The following FBXO47 variants were observed in gnomAD, a reference collection of about 807,000 sequenced individuals.
FBXO47 encodes the protein F-box only protein 47.
In FBXO47, 34 loss-of-function variants were observed where a neutral mutation model predicts 53.9. That is an observed-to-expected ratio of 0.63 (90% CI 0.48 to 0.84). The LOEUF (loss-of-function observed/expected upper bound fraction) is 0.84. FBXO47 is among the 40% of genes least tolerant of loss of function. The probability of loss-of-function intolerance (pLI) is 0.00; values close to 1 mark genes in which losing one functional copy is unlikely to be tolerated. For missense variants in FBXO47, 485 were observed against 541.3 expected, an observed-to-expected ratio of 0.90 and a Z score of 1.03; for synonymous variants, 165 against 181.6, an observed-to-expected ratio of 0.91 and a Z score of 0.73.
chr17:38,943,791 C>T, intron 7 of FBXO47, 55 bp from the exon 8 acceptor site: 1 of 1,508,274 alleles, frequency 6.6e-7, no homozygotes, highest in East Asian at 2.4e-5. Flanking sequence ...GTGATAAAGA[C>T]TTGTTTAAAA....
At chr17:38,962,127 T>A (rs985609679) in intron 2 of FBXO47, 80 bp from the exon 3 acceptor site, 2 of 1,126,420 alleles carry the variant, frequency 1.8e-6, no homozygotes, top group African/African-American at 3.1e-5. Flanking sequence ...TATTAACTTA[T>A]AGGTTAACTC....
chr17:38,962,913 A>G lies in FBXO47; in HGVS notation c.113T>C (p.Ile38Thr). Residue 38 changes from isoleucine to threonine, a missense_variant, in exon 2 of 11, where the codon ATA becomes ACA. By Grantham distance (89) the Ile-to-Thr change is moderately conservative. Coordinates refer to ENST00000378079, the MANE Select transcript of FBXO47 (RefSeq NM_001008777.3). The stretch of plus-strand genomic sequence containing the variant: ...GGCTTTAAAATTTCCAAATGTTGAT[A>G]TGGGTTGAAAGCCTGAGCCAAGGGT... ...SKTLGSGFQP[I>T]STFGNFKALP... is the part of the protein sequence containing the mutation. 6.2e-7 allele frequency: 1 copy of G among 1,613,372 alleles called. No homozygotes were observed. The highest frequency in any genetic ancestry group is 8.5e-7 in the Non-Finnish European group (1 of 1,179,452).
intron 3 of FBXO47, among the ~76,000 whole-genome samples, chr17:38,961,645 G>A (rs923112860): frequency 6.6e-5 from 10 of 152,132 alleles, no homozygotes; most frequent in Non-Finnish European, 1.2e-4. Flanking sequence ...CATCGGTGAC[G>A]TTATATCTAT....
intron 6 of FBXO47, among the ~76,000 whole-genome samples, chr17:38,946,004 AATAC>A (rs1373773481): frequency 5.1e-5 from 7 of 136,366 alleles, no homozygotes; most frequent in Non-Finnish European, 9.2e-5. Flanking sequence ...AATATATATA[AATAC>A]ATAAATATAA....
At chr17:38,962,615 A>G (rs1050722134) in intron 2 of FBXO47, among the ~76,000 whole-genome samples, 3 of 147,868 alleles carry the variant, frequency 2.0e-5, no homozygotes, top group African/African-American at 7.4e-5. Flanking sequence ...TCAAAATAAT[A>G]ATAATAATAA....
chr17:38,958,485 A>C (rs75550011), intron 3 of FBXO47, among the ~76,000 whole-genome samples: 1 of 151,236 alleles, frequency 6.6e-6, no homozygotes, highest in African/African-American at 2.4e-5. Flanking sequence ...AAAAAAAAAA[A>C]CTCCTCAATT....
At chr17:38,946,369 GAT>G (rs1309339267) in intron 6 of FBXO47, among the ~76,000 whole-genome samples, 422 of 40,300 alleles carry the variant, frequency 0.01, 13 homozygotes, top group Non-Finnish European at 0.013. Flanking sequence ...TAAATATATA[GAT>G]ATATATATAA....
intron 4 of FBXO47, 123 bp downstream of exon 4, chr17:38,957,054 A>T: frequency 6.7e-6 from 4 of 597,216 alleles, no homozygotes; most frequent in South Asian, 5.0e-5. Flanking sequence ...GATTATAATA[A>T]ATCAATTTTT....
At chr17:38,942,642 GA>G (rs1904561591) in intron 9 of FBXO47, 135 bp downstream of exon 9, 1 of 571,994 alleles carries the variant, frequency 1.7e-6, no homozygotes. Context: ...TTTTGAAAAA[GA>G]AACATTAAAA....
rs781708230 is a variant in FBXO47, at chr17:38,943,753, A to G, written c.794-17T>C. The G allele has an allele frequency of 6.3e-7, 1 of 1,595,958 alleles. No individual in the cohort carries two copies. ...CCACCTGTCCTGAATTGAAACAAAA[A>G]CGAGGCTATGACAGAATAGTTGGCT... On this transcript the variant is annotated splice_polypyrimidine_tract_variant and intron_variant, in intron 7 of 10. Coordinates refer to ENST00000378079, the MANE Select transcript of FBXO47 (RefSeq NM_001008777.3).
Position 38,944,973 on chromosome 17 carries a change from T to C in FBXO47, c.780A>G (p.Ile260Met), listed in dbSNP as rs759315789. The stretch of plus-strand genomic sequence containing the variant: ...ATGGGTGCTCACCATCTTGAGGAGA[T>C]ATTGGCCCAAAGATGATATACAGTA... ...ARLLYIIFGP[I>M]SPQDGQVVWQ... is the part of the protein sequence containing the mutation. The change falls in exon 7 of 11, where the codon ATA becomes ATG. Residue 260 changes from isoleucine to methionine, a missense_variant. Physicochemically the swap from Ile to Met is conservative, Grantham distance 10. Coordinates refer to ENST00000378079, the MANE Select transcript of FBXO47 (RefSeq NM_001008777.3). 3.7e-6 allele frequency: 6 copies of C among 1,613,670 alleles called. No individual in the cohort carries two copies. The African/African-American group carries it at 8.0e-5, about 22-fold the overall frequency.
intron 6 of FBXO47, among the ~76,000 whole-genome samples, chr17:38,946,199 T>A (rs1421507964): frequency 5.3e-5 from 6 of 112,644 alleles, no homozygotes; most frequent in African/African-American, 2.2e-4. Flanking sequence ...TATAAAAATA[T>A]ATATAAATAT....
At chr17:38,957,445 C>A (rs907614601) in intron 3 of FBXO47, among the ~76,000 whole-genome samples, 192 bp from the exon 4 acceptor site, 9 of 152,116 alleles carry the variant, frequency 5.9e-5, no homozygotes, top group Non-Finnish European at 1.3e-4. Context: ...CCAAGTGACT[C>A]TGATGCTCAT....
intron 3 of FBXO47, among the ~76,000 whole-genome samples, chr17:38,958,817 C>A (rs1224413959): frequency 6.6e-6 from 1 of 152,044 alleles, no homozygotes; most frequent in Non-Finnish European, 1.5e-5. Context: ...TAAACAAAAA[C>A]CCTCTTTATT....
rs142371753 is a variant in FBXO47 at position 38,947,266 on chromosome 17, C to T, written c.617-2130G>A. On this transcript the variant is annotated intron_variant, in intron 6 of 10. Coordinates refer to ENST00000378079, the MANE Select transcript of FBXO47 (RefSeq NM_001008777.3). Reference sequence around the variant, plus strand: ...AGCGAGCTGAGATCTCACAACTGCACTCCAGCCTGGGTGACAGAGCTAGAC... The same window carrying T: ...AGCGAGCTGAGATCTCACAACTGCATTCCAGCCTGGGTGACAGAGCTAGAC... Among the ~76,000 whole-genome samples the T allele has an allele frequency of 2.1e-3, 313 of 151,690 alleles. 1 individual carries two copies. Among genetic ancestry groups the T allele is most frequent in the African/African-American group, 7.2e-3 (296 of 41,386 alleles).
chr17:38,958,346 A>T (rs1567721800), intron 3 of FBXO47, among the ~76,000 whole-genome samples: 1 of 149,690 alleles, frequency 6.7e-6, no homozygotes, highest in African/African-American at 2.5e-5. Flanking sequence ...CAGAAGCTAG[A>T]TTTTTTTTTT....
intron 5 of FBXO47, among the ~76,000 whole-genome samples, chr17:38,953,742 C>T (rs1220437828): frequency 6.6e-6 from 1 of 152,132 alleles, no homozygotes; most frequent in South Asian, 2.1e-4. Flanking sequence ...AGGAGAGAGA[C>T]TAACTTTTTA....
In FBXO47 at chr17:38,945,106, C is replaced by A; in HGVS notation, c.647G>T (p.Arg216Ile). ...AAGGAGGACATTCCTACAGAAGAGT[C>A]TGATTCTTAACTCCAGTTTTTGGGC... ...GSAQKLELRI[R>I]LFCRNVLLDH... The change falls in exon 7 of 11, where the codon AGA becomes ATA. Residue 216 changes from arginine (R) to isoleucine (I), a missense_variant. Arg to Ile is a moderately conservative substitution (Grantham distance 97). Coordinates refer to ENST00000378079, the MANE Select transcript of FBXO47 (RefSeq NM_001008777.3). 1 of 1,613,342 alleles carries A rather than the reference C, an allele frequency of 6.2e-7. No individual in the cohort carries two copies. The highest frequency in any genetic ancestry group is 1.1e-5 in the South Asian group (1 of 90,990).
chr17:38,955,005 G>C, intron 4 of FBXO47, 72 bp from the exon 5 acceptor site: 1 of 1,154,790 alleles, frequency 8.7e-7, no homozygotes, highest in Non-Finnish European at 1.3e-6. Flanking sequence ...ACAATGGTTT[G>C]ACATTCAAAT....
Sources: gnomAD v4.1 joint callset for allele counts (sites outside exome capture counted in the v4.1 genomes callset) on GRCh38, gnomAD v4.1.1 for gene constraint, MANE v1.5 for transcripts, NCBI Gene and HGNC (gene_info 2026-07-23, HGNC 2026-07-21) for gene names.